Variants in EPHA2 observed in about 807,000 individuals in gnomAD.
EPHA2 encodes EPH receptor A2.
EPHA2 carries 54 observed loss-of-function variants against 104.9 expected under a neutral mutation model. That is an observed-to-expected ratio of 0.51 (90% confidence interval 0.41 to 0.65). The LOEUF (loss-of-function observed/expected upper bound fraction) is 0.65, where lower values mean the gene tolerates loss of function less well. Among genes scored for constraint, EPHA2 ranks in the 30% least tolerant of loss-of-function variants. The pLI is 0.00. For missense variants in EPHA2, 1,117 were observed against 1,369.5 expected (o/e 0.82, Z 2.91); for synonymous variants, 560 against 559.1 (o/e 1.00, Z -0.02).
Position 16,129,681 on chromosome 1 carries a change from G to A in EPHA2, c.2670-92C>T, listed in dbSNP as rs3768294. The stretch of plus-strand genomic sequence containing the variant: ...GCTCCCTAACCTGGATGATTGACTC[G>A]GCTGCCCCGTGCCTCCGTCTCCTTA... On this transcript the variant is annotated intron_variant, in intron 15 of 16. Transcript: ENST00000358432. 116,087 of 1,471,634 alleles carry A rather than the reference G, an allele frequency of 0.079. 8,699 individuals are homozygous for A. The highest frequency in any genetic ancestry group is 0.39 in the African/African-American group (27,975 of 71,880). 91.2% of individuals were successfully genotyped at this position (1,471,634 alleles called of 1,614,324 possible).
In EPHA2 at chr1:16,133,987, G is replaced by T. The variant is rs1438340318; in HGVS notation, c.1683-72C>A. ...CTGCTCCGGCCAGGGAAGCCTCCTG[G>T]CCCTACTTTGGTCCTAGGAGGACCT... is the stretch of plus-strand genomic sequence containing the variant. On this transcript the variant is annotated intron_variant, in intron 8 of 16. Transcript: ENST00000358432. 5.3e-6 allele frequency: 8 copies of T among 1,496,690 alleles called. No homozygotes were observed. The Admixed American group carries it at 1.5e-4, about 27-fold the overall frequency. 92.7% of individuals were successfully genotyped at this position (1,496,690 alleles called of 1,614,324 possible). A position where few individuals can be genotyped will look rare whatever the true frequency, so the allele number is the denominator to read the frequency against.
chr1:16,154,821 C>G (rs1056070216), intron 1 of EPHA2, among the ~76,000 whole-genome samples: 2 of 151,940 alleles, frequency 1.3e-5, no homozygotes, highest in African/African-American at 2.4e-5. Context: ...TCCCGGCTTC[C>G]CCCTTGTGGA....
At chr1:16,146,135 C>T (rs1339544663) in intron 3 of EPHA2, among the ~76,000 whole-genome samples, 1 of 152,182 alleles carries the variant, frequency 6.6e-6, no homozygotes, top group Non-Finnish European at 1.5e-5. Flanking sequence ...CGCGCACCGG[C>T]ACCCAGCCAC....
chr1:16,134,440 T>C lies in EPHA2; in HGVS notation c.1682+28A>G. ...CCCCATTTTCCCACCCAAGCCCATG[T>C]GGAGCCAGGGTATGGGCTCTGACGA... On this transcript the variant is annotated intron_variant, in intron 8 of 16. Transcript: ENST00000358432. The surrounding 1 kb of genome is among the most constrained non-coding windows in gnomAD (Gnocchi z 4.5). The C allele has an allele frequency of 3.1e-6, 5 of 1,608,688 alleles. No individual in the cohort carries two copies. Among genetic ancestry groups the C allele is most frequent in the Non-Finnish European group, 4.3e-6 (5 of 1,175,264 alleles).
intron 1 of EPHA2, chr1:16,155,148 C>T (rs1467808163): frequency 6.6e-6 from 1 of 152,370 alleles, no homozygotes; most frequent in Non-Finnish European, 1.5e-5. Context: ...GCCGCACCCC[C>T]ACCTGCCGCA....
rs2024988787 is a variant in EPHA2 at position 16,149,020 on chromosome 1, C to T, written c.181G>A (p.Asp61Asn). ...GWDLMQNIMNDMPIYMYSVCN... is the reference protein window; with the variant it reads ...GWDLMQNIMNNMPIYMYSVCN... Reference sequence around the variant, plus strand: ...ACGGAGTACATGTAGATCGGCATGTCATTCATGATGTTCTGCATCAGGTCC... The same window carrying T: ...ACGGAGTACATGTAGATCGGCATGTTATTCATGATGTTCTGCATCAGGTCC... The change falls in exon 3 of 17, where the codon GAC (aspartate) becomes AAC (asparagine). Residue 61 changes from aspartate (D) to asparagine (N), a missense_variant. By Grantham distance (23) the Asp-to-Asn change is conservative. This residue lies in a region of EPHA2 where 664 missense variants were observed against 784.8 expected (regional missense o/e 0.85). Transcript: ENST00000358432. 1.2e-6 allele frequency: 2 copies of T among 1,613,576 alleles called. No individual in the cohort carries two copies. Among genetic ancestry groups the T allele is most frequent in the African/African-American group, 1.3e-5 (1 of 74,884 alleles).
intron 5 of EPHA2, among the ~76,000 whole-genome samples, chr1:16,136,303 A>AATAATAAT (rs2024681848): frequency 2.5e-4 from 35 of 140,984 alleles, no homozygotes; most frequent in African/African-American, 8.3e-4. Context: ...ACGAGTGCAT[A>AATAATAAT]AATAATAATA....
intron 3 of EPHA2, among the ~76,000 whole-genome samples, chr1:16,147,335 T>C (rs2024952031): frequency 6.6e-6 from 1 of 152,130 alleles, no homozygotes; most frequent in Admixed American, 6.6e-5. Flanking sequence ...GGCAGACCCT[T>C]GGCCCCCCTC....
At position 16,135,018 on chromosome 1, in the gene EPHA2, C is replaced by T; in HGVS notation, c.1582+18G>A. ...TCTGGGCCCTGGCCTGGTCCATGCC[C>T]AGGGTCCCCCAACTCACACAGCGTC... On this transcript the variant is annotated intron_variant, in intron 7 of 16. Transcript: ENST00000358432. The surrounding 1 kb of genome is among the most constrained non-coding windows in gnomAD (Gnocchi z 4.3). The T allele has an allele frequency of 6.2e-7, 1 of 1,610,718 alleles. No homozygotes were observed. Among genetic ancestry groups the T allele is most frequent in the Non-Finnish European group, 8.5e-7 (1 of 1,179,994 alleles).
chr1:16,133,673 AGAG>A (rs2024624207), intron 9 of EPHA2, 67 bp from the exon 10 acceptor site: 6 of 1,605,088 alleles, frequency 3.7e-6, no homozygotes, highest in Non-Finnish European at 5.1e-6. Flanking sequence ...CTCTGGAGTC[AGAG>A]GAGAAGGTCA....
intron 9 of EPHA2, 75 bp from the exon 10 acceptor site, chr1:16,133,681 A>C (rs1570401823): frequency 6.3e-7 from 1 of 1,599,430 alleles, no homozygotes; most frequent in Non-Finnish European, 8.5e-7. Context: ...TCAGAGGAGA[A>C]GGTCACGTGA....
rs372688546 is a variant in EPHA2, at chr1:16,129,407, G to A, written c.2825+27C>T. 7.5e-6 allele frequency: 12 copies of A among 1,608,782 alleles called. No individual in the cohort carries two copies. In the African/African-American group the frequency reaches 8.0e-5, roughly 11 times the overall value. ...CTCTGGAGTGGGAGGCGGGAGGCGA[G>A]GGGGGACGGAAAGGGGCCTGACTTA... On this transcript the variant is annotated intron_variant, in intron 16 of 16. Coordinates refer to ENST00000358432, the MANE Select transcript of EPHA2 (RefSeq NM_004431.5).
rs146970860 is a variant in EPHA2 at position 16,131,759 on chromosome 1, A to T, written c.2437T>A (p.Tyr813Asn). ...FGIVMWEVMTYGERPYWELSN... is the reference protein window; with the variant it reads ...FGIVMWEVMTNGERPYWELSN... ...AACTCCCAGTAGGGCCGCTCGCCAT[A>T]GGTCATCACCTCCCACATGACAATG... Residue 813 changes from tyrosine to asparagine, a missense_variant, in exon 14 of 17, where the codon TAT (tyrosine) becomes AAT (asparagine). Transcript: ENST00000358432. This position sits in a 1 kb window ranked among gnomAD's most constrained non-coding sequence, Gnocchi z 5.2. 6.2e-7 allele frequency: 1 copy of T among 1,614,110 alleles called. No homozygotes were observed.
Position 16,125,388 on chromosome 1 carries a change from G to GGGGGC in EPHA2, c.2826-69_2826-68insGCCCC. 2.7e-6 allele frequency: 1 copy of GGGGGC among 376,144 alleles called. No individual in the cohort carries two copies. The highest frequency in any genetic ancestry group is 5.5e-6 in the Non-Finnish European group (1 of 181,646). The allele number at this position is 376,144 out of a possible 1,614,324, so 23.3% of individuals were successfully genotyped here. On this transcript the variant is annotated intron_variant, in intron 16 of 16. Transcript: ENST00000358432. This position sits in a 1 kb window ranked among gnomAD's most constrained non-coding sequence, Gnocchi z 4.9. Reference sequence around the variant, plus strand: ...AGGGGAGGGGGCCGGGCTGGGTGGGGACAGGACTCGGTGGGCGGCTGGGGA... The same window carrying GGGGGC: ...AGGGGAGGGGGCCGGGCTGGGTGGGGGGGGCACAGGACTCGGTGGGCGGCTGGGGA...
In EPHA2 at chr1:16,138,543, A is replaced by G. The variant is rs1032040779; in HGVS notation, c.824-113T>C. ...CCCTGCCCTGCAAGCAGGTCAGTAA[A>G]TCTCTATGGACCTGTTTTCTCATCG... On this transcript the variant is annotated intron_variant, in intron 3 of 16. Coordinates refer to ENST00000358432, the MANE Select transcript of EPHA2 (RefSeq NM_004431.5). 19 of 1,468,458 alleles carry G rather than the reference A, an allele frequency of 1.3e-5. No homozygotes were observed. The Admixed American group carries it at 2.4e-4, about 19-fold the overall frequency. The allele number at this position is 1,468,458 out of a possible 1,614,324, so 91.0% of individuals were successfully genotyped here. A position where few individuals can be genotyped will look rare whatever the true frequency, so the allele number is the denominator to read the frequency against.
intron 3 of EPHA2, among the ~76,000 whole-genome samples, chr1:16,143,246 G>A (rs986731121): frequency 6.6e-6 from 1 of 151,932 alleles, no homozygotes; most frequent in African/African-American, 2.4e-5. Flanking sequence ...ATGGATGAGT[G>A]GATGGGTGGA....
At chr1:16,143,155 GGAT>G (rs1180139861) in intron 3 of EPHA2, among the ~76,000 whole-genome samples, 1 of 133,210 alleles carries the variant, frequency 7.5e-6, no homozygotes, top group Non-Finnish European at 1.6e-5. Context: ...GTGAATGGAT[GGAT>G]GATGGATGGA....
chr1:16,138,833 G>A (rs1201932662), intron 3 of EPHA2, among the ~76,000 whole-genome samples: 1 of 152,120 alleles, frequency 6.6e-6, no homozygotes, highest in Non-Finnish European at 1.5e-5. Flanking sequence ...AGCCTGTCCG[G>A]TCCCCACCTG....
chr1:16,128,274 C>T lies in EPHA2; in HGVS notation c.2825+1160G>A, dbSNP rs192046405. On this transcript the variant is annotated intron_variant, in intron 16 of 16. Transcript: ENST00000358432. The surrounding 1 kb of genome is among the most constrained non-coding windows in gnomAD (Gnocchi z 4.7). ...CAAGCCTGTGGCCCTGCTGGGCTGGCGGGCAGCAAAAGACATCCTGTGATC... is the reference window on the plus strand; with the variant it reads ...CAAGCCTGTGGCCCTGCTGGGCTGGTGGGCAGCAAAAGACATCCTGTGATC... 2.6e-4 allele frequency among the ~76,000 whole-genome samples: 39 copies of T among 152,276 alleles called. No individual in the cohort carries two copies. Among genetic ancestry groups the T allele is most frequent in the African/African-American group, 9.1e-4 (38 of 41,544 alleles).
Sources: gnomAD v4.1 joint callset for allele counts (sites outside exome capture counted in the v4.1 genomes callset) on GRCh38, gnomAD v4.1.1 for gene constraint, gnomAD v4.1.1 regional missense constraint, Gnocchi (gnomAD v3.1) non-coding constraint, MANE v1.5 for transcripts, NCBI Gene and HGNC (gene_info 2026-07-23, HGNC 2026-07-21) for gene names.